LMF1: variants seen among roughly 807,000 people sequenced by gnomAD.
LMF1 encodes the protein transmembrane protein 112.
LMF1 carries 68 observed loss-of-function variants against 60.6 expected under a neutral mutation model. The ratio of observed to expected loss-of-function variants is 1.12; its 90% confidence interval spans 0.92 to 1.37. The LOEUF (loss-of-function observed/expected upper bound fraction) is 1.37. Ranked by LOEUF, LMF1 falls within the 40% of genes most tolerant of loss-of-function variation. The pLI is 0.00. For synonymous variants in LMF1, 418 were observed against 324.7 expected (o/e 1.29, Z -3.09); for missense variants, 948 against 767.2 (o/e 1.24, Z -2.78).
Position 896,735 on chromosome 16 carries a change from G to A in LMF1, c.664-3663C>T, listed in dbSNP as rs185850995. Among the ~76,000 whole-genome samples the A allele has an allele frequency of 1.3e-3, 198 of 152,296 alleles. 1 individual carries two copies. The highest frequency in any genetic ancestry group is 0.01 in the Admixed American group (153 of 15,298). On this transcript the variant is annotated intron_variant, in intron 4 of 10. Coordinates refer to ENST00000262301, the MANE Select transcript of LMF1 (RefSeq NM_022773.4). The stretch of plus-strand genomic sequence containing the variant: ...ACCAGCTCTGCTCCCTGCAGAATCC[G>A]AGAGTGGAACTCTATGGAGATTCAA...
At chr16:974,153 G>A (rs1280317615), upstream of LMF1, among the ~76,000 whole-genome samples, 1 of 152,192 alleles carries the variant, frequency 6.6e-6, no homozygotes, top group Non-Finnish European at 1.5e-5. Context: ...CTATATTAAG[G>A]CGCATCTAGC....
intron 1 of LMF1, among the ~76,000 whole-genome samples, chr16:959,111 C>T (rs565763585): frequency 3.9e-4 from 59 of 152,282 alleles, no homozygotes; most frequent in African/African-American, 1.3e-3. Flanking sequence ...GCACAGAAGC[C>T]TCATGCAGAT....
At chr16:942,479 CCT>C (rs1295985035) in intron 2 of LMF1, among the ~76,000 whole-genome samples, 2 of 151,950 alleles carry the variant, frequency 1.3e-5, no homozygotes, top group Non-Finnish European at 2.9e-5. Context: ...TTTTCTGTGT[CCT>C]CTCTCTGTGG....
rs1209736810 is a variant in LMF1, at chr16:854,261, G to C, written c.*271C>G. 1.5e-6 allele frequency: 1 copy of C among 653,928 alleles called. No homozygotes were observed. The highest frequency in any genetic ancestry group is 1.8e-5 in the African/African-American group (1 of 56,336). The allele number at this position is 653,928 out of a possible 1,614,324, so 40.5% of individuals were successfully genotyped here. A position where few individuals can be genotyped will look rare whatever the true frequency, so the allele number is the denominator to read the frequency against. On this transcript the variant is annotated 3_prime_UTR_variant, in exon 11 of 11. Coordinates refer to ENST00000262301, the MANE Select transcript of LMF1 (RefSeq NM_022773.4). ...CGGCACAGCCCCAGGCTGGGCCTCT[G>C]GGAGGAGGGTGGGATGGATGGGAGA... is the stretch of plus-strand genomic sequence containing the variant.
chr16:870,551 C>G (rs2069752510), intron 8 of LMF1, among the ~76,000 whole-genome samples, 178 bp downstream of exon 8: 1 of 152,198 alleles, frequency 6.6e-6, no homozygotes, highest in South Asian at 2.1e-4. Flanking sequence ...ACGAGGAGGC[C>G]TGCGTGTCCA....
intron 1 of LMF1, among the ~76,000 whole-genome samples, chr16:958,562 C>T (rs1348333833): frequency 6.6e-6 from 1 of 152,170 alleles, no homozygotes; most frequent in Admixed American, 6.5e-5. Flanking sequence ...TGTCACCACA[C>T]ACACGTCACA....
chr16:931,167 C>T (rs1209602297), intron 3 of LMF1, among the ~76,000 whole-genome samples: 1 of 151,984 alleles, frequency 6.6e-6, no homozygotes, highest in East Asian at 1.9e-4. Flanking sequence ...GCCACAGCTA[C>T]ATGCGGCCAC....
In LMF1 at chr16:870,743, G is replaced by GTT; in HGVS notation, c.1217_1218insAA (p.Tyr406Ter). The change falls in exon 8 of 11, where the codon TAC (tyrosine) becomes TAAAC (stop). Residue 406 changes from tyrosine (Y) to a stop codon, truncating the protein, a stop_gained and frameshift_variant. Transcript: ENST00000262301. LOFTEE classifies it high-confidence loss of function. Reference sequence around the variant, plus strand: ...CAGGCTCATACCTTCCGAAGGCCCCGTAAGTGTTGACGATGTGAAGAGAGT... The same window carrying GTT: ...CAGGCTCATACCTTCCGAAGGCCCCGTTTAAGTGTTGACGATGTGAAGAGAGT... ...HFNSLHIVNT[Y>*]GAFGSITKER... The GTT allele has an allele frequency of 6.2e-7, 1 of 1,612,918 alleles. No individual in the cohort carries two copies. The highest frequency in any genetic ancestry group is 8.5e-7 in the Non-Finnish European group (1 of 1,179,796).
intron 1 of LMF1, chr16:980,021 G>C (rs2073299030): frequency 3.0e-6 from 1 of 330,980 alleles, no homozygotes; most frequent in Non-Finnish European, 6.0e-6. Context: ...CGAGATGGTG[G>C]GACGGGGAAG....
upstream of LMF1, among the ~76,000 whole-genome samples, chr16:973,036 C>A (rs1395400501): frequency 6.6e-6 from 1 of 152,190 alleles, no homozygotes; most frequent in Non-Finnish European, 1.5e-5. Context: ...ATCAAAAGTG[C>A]ACTGGGTTAT....
upstream of LMF1, among the ~76,000 whole-genome samples, chr16:974,859 C>G (rs1024730903): frequency 6.6e-6 from 1 of 152,224 alleles, no homozygotes; most frequent in South Asian, 2.1e-4. Context: ...AGTGTGGGCC[C>G]GAAGATAATC....
chr16:867,536 C>A (rs2151696001), intron 10 of LMF1, among the ~76,000 whole-genome samples: 1 of 152,302 alleles, frequency 6.6e-6, no homozygotes, highest in East Asian at 1.9e-4. Context: ...AGCTCTGGGG[C>A]CTGGTCCCCA....
chr16:901,315 G>A (rs2070806538), intron 4 of LMF1: 1 of 152,090 alleles, frequency 6.6e-6, no homozygotes, highest in Non-Finnish European at 1.5e-5. Context: ...GGGCGTCACG[G>A]AAAACCCACC....
At chr16:894,113 T>A (rs1383217738) in intron 4 of LMF1, among the ~76,000 whole-genome samples, 1 of 45,214 alleles carries the variant, frequency 2.2e-5, no homozygotes, top group Non-Finnish European at 4.2e-5. Context: ...CCCATGCCCC[T>A]GTCCACCGGA....
intron 5 of LMF1, chr16:881,453 G>A (rs2070160817): frequency 1.3e-5 from 2 of 152,304 alleles, no homozygotes; most frequent in African/African-American, 4.8e-5. Context: ...TGGTGGGTCA[G>A]GGCATGGCGG....
intron 3 of LMF1, chr16:931,735 G>A (rs576758730): frequency 1.1e-5 from 14 of 1,287,200 alleles, no homozygotes; most frequent in South Asian, 3.7e-5. Flanking sequence ...GAGCACTGCC[G>A]AAGCTACTAC....
At position 897,426 on chromosome 16, in the gene LMF1, C is replaced by T. The variant is rs887267042; in HGVS notation, c.664-4354G>A. ...GGAGGGGGCGCCGCCAGGCCTCCCT[C>T]CGAGCCACAACCTCCTCCATCCTTC... On this transcript the variant is annotated intron_variant, in intron 4 of 10. Coordinates refer to ENST00000262301, the MANE Select transcript of LMF1 (RefSeq NM_022773.4). The surrounding 1 kb of genome is among the most constrained non-coding windows in gnomAD (Gnocchi z 4.3). Among the ~76,000 whole-genome samples, 4 of 152,190 alleles carry T rather than the reference C, an allele frequency of 2.6e-5. No homozygotes were observed. The highest frequency in any genetic ancestry group is 7.2e-5 in the African/African-American group (3 of 41,436).
intron 1 of LMF1, among the ~76,000 whole-genome samples, chr16:964,295 C>CAA (rs68176791): frequency 0.023 from 1,439 of 63,732 alleles, 32 homozygotes; most frequent in African/African-American, 0.066. Flanking sequence ...AACTCTGTCT[C>CAA]AAAAAAAAAA....
rs141723057 is a variant in LMF1 at position 959,792 on chromosome 16, C to G, written c.194-5126G>C. Among the ~76,000 whole-genome samples the G allele has an allele frequency of 3.6e-3, 550 of 152,238 alleles. 2 individuals carry two copies. Among genetic ancestry groups the G allele is most frequent in the Non-Finnish European group, 5.1e-3 (349 of 68,018 alleles). ...AGAGGAGTCAGGGGAGCCAGGTTCC[C>G]ACTAGCAGAGAGGGAGGATTCAGAT... On this transcript the variant is annotated intron_variant, in intron 1 of 10. Coordinates refer to ENST00000262301, the MANE Select transcript of LMF1 (RefSeq NM_022773.4).
Sources: allele counts gnomAD v4.1 joint callset (sites outside exome capture counted in the v4.1 genomes callset), GRCh38; gene constraint gnomAD v4.1.1; non-coding constraint Gnocchi (gnomAD v3.1); transcripts MANE v1.5; gene names NCBI Gene and HGNC (gene_info 2026-07-23, HGNC 2026-07-21).